Variants in DNAH11 observed in about 807,000 individuals in gnomAD.
DNAH11 encodes the protein dynein axonemal heavy chain 11.
A neutral mutation model predicts 526.0 loss-of-function variants in DNAH11; 442 were observed. The observed-to-expected ratio is 0.84, with a 90% CI of 0.78 to 0.91. DNAH11 has a LOEUF of 0.91. Among genes scored for constraint, DNAH11 ranks in the 40% least tolerant of loss-of-function variants. The pLI is 0.00. For missense variants in DNAH11, 6,989 were observed against 5,448.7 expected (o/e 1.28, Z -8.90); for synonymous variants, 2,461 against 1,935.9 (o/e 1.27, Z -7.12).
At chr7:21,805,078 C>A (rs928311669) in intron 62 of DNAH11, among the ~76,000 whole-genome samples, 4 of 152,142 alleles carry the variant, frequency 2.6e-5, no homozygotes, top group Non-Finnish European at 5.9e-5. Flanking sequence ...CTTTGTCAGG[C>A]CCTGCTGAAA....
At chr7:21,705,309 A>T (rs977325320) in intron 38 of DNAH11, 151 bp from the exon 39 acceptor site, 2 of 688,796 alleles carry the variant, frequency 2.9e-6, no homozygotes, top group South Asian at 3.9e-5. Context: ...TATACTTTTC[A>T]CTTATGGTCT....
chr7:21,648,982 A>G (rs1430636015), intron 28 of DNAH11, among the ~76,000 whole-genome samples: 8 of 152,192 alleles, frequency 5.3e-5, no homozygotes, highest in African/African-American at 1.4e-4. Context: ...TTTACTTAAA[A>G]TACTCTGCCT....
At chr7:21,634,979 A>C (rs1186738272) in intron 25 of DNAH11, among the ~76,000 whole-genome samples, 2 of 152,170 alleles carry the variant, frequency 1.3e-5, no homozygotes, top group Non-Finnish European at 2.9e-5. Context: ...GAGAAACAAA[A>C]ACCACATTAA....
intron 36 of DNAH11, among the ~76,000 whole-genome samples, chr7:21,700,192 A>G (rs1783999638): frequency 1.3e-5 from 2 of 152,206 alleles, no homozygotes. Flanking sequence ...TCTAGGACAC[A>G]CCTGTAGCCA....
chr7:21,884,497 C>A, intron 76 of DNAH11, 87 bp downstream of exon 76: 6 of 1,349,574 alleles, frequency 4.4e-6, no homozygotes, highest in South Asian at 1.6e-5. Context: ...ATACTATGGG[C>A]AATTCTTAAT....
At position 21,687,168 on chromosome 7, in the gene DNAH11, C is replaced by T. The variant is rs200388712; in HGVS notation, c.5691C>T (p.Thr1897=). The change falls in exon 33 of 82, where the codon ACC becomes ACT. Residue 1897 remains threonine (T), a synonymous_variant. Coordinates refer to ENST00000409508, the MANE Select transcript of DNAH11 (RefSeq NM_001277115.2). ...GGGCTCCTGCTGGCCCAGCTGGTAC[C>T]GGGAAAACAGAGACCACCAAAGACC... ...MSGAPAGPAG[T]GKTETTKDLG... 312 of 1,612,994 alleles carry T rather than the reference C, an allele frequency of 1.9e-4. 1 individual carries two copies. In the African/African-American group the frequency reaches 2.8e-3, roughly 14 times the overall value.
chr7:21,588,545 A>G lies in DNAH11; in HGVS notation c.1882A>G (p.Met628Val). 6.2e-7 allele frequency: 1 copy of G among 1,613,692 alleles called. No individual in the cohort carries two copies. The highest frequency in any genetic ancestry group is 8.5e-7 in the Non-Finnish European group (1 of 1,179,598). The change falls in exon 11 of 82, where the codon ATG becomes GTG. Residue 628 changes from methionine to valine, a missense_variant. By Grantham distance (21) the Met-to-Val change is conservative. Transcript: ENST00000409508. ...ECGHVVLNKNMPFTSGNMKWA... is the reference protein window; with the variant it reads ...ECGHVVLNKNVPFTSGNMKWA... ...TGGTCATGTAGTTCTTAACAAGAAC[A>G]TGCCATTTACCTCAGGAAATATGAA...
intron 67 of DNAH11, among the ~76,000 whole-genome samples, chr7:21,853,869 G>C (rs1010816702): frequency 3.3e-5 from 5 of 152,216 alleles, no homozygotes; most frequent in African/African-American, 1.2e-4. Flanking sequence ...GTAAGCATAA[G>C]TTACTGGGTA....
intron 21 of DNAH11, 55 bp from the exon 22 acceptor site, chr7:21,616,154 G>T: frequency 7.4e-7 from 1 of 1,345,588 alleles, no homozygotes; most frequent in Non-Finnish European, 1.1e-6. Flanking sequence ...TTTTGCTGCA[G>T]AGACTTGCTT....
In DNAH11 at chr7:21,884,610, C is replaced by CA. The variant is rs1784054626; in HGVS notation, c.12507+200_12507+201insA. On this transcript the variant is annotated intron_variant, in intron 76 of 81. Transcript: ENST00000409508. ...CAGAATCTGCATTTTCACAAGTCTT[C>CA]CAGGTGATCTCTGTGTGTGCTAGAG... Among the ~76,000 whole-genome samples the CA allele has an allele frequency of 2.6e-5, 4 of 152,166 alleles. No homozygotes were observed. The South Asian group carries it at 8.3e-4, about 32-fold the overall frequency.
Position 21,765,345 on chromosome 7 carries a change from T to C in DNAH11, c.8941-83T>C, listed in dbSNP as rs142652118. 56 of 1,591,580 alleles carry C rather than the reference T, an allele frequency of 3.5e-5. No homozygotes were observed. The African/African-American group carries it at 4.6e-4, about 13-fold the overall frequency. The stretch of plus-strand genomic sequence containing the variant: ...TAATGTCACAGTTGGCTGCACTCCT[T>C]TCTCTCATTGTCTAAGATTGCAATG... On this transcript the variant is annotated intron_variant, in intron 54 of 81. Transcript: ENST00000409508.
chr7:21,612,411 C>T (rs568168721), intron 20 of DNAH11, among the ~76,000 whole-genome samples: 17 of 151,862 alleles, frequency 1.1e-4, no homozygotes, highest in East Asian at 1.9e-4. Context: ...AAAAATTAGC[C>T]GGGCGTGGTG....
chr7:21,738,865 T>C lies in DNAH11; in HGVS notation c.7810T>C (p.Trp2604Arg), dbSNP rs1250786544. The C allele has an allele frequency of 1.3e-6, 2 of 1,590,844 alleles. No homozygotes were observed. Among genetic ancestry groups the C allele is most frequent in the East Asian group, 4.5e-5 (2 of 44,510 alleles). Residue 2604 changes from tryptophan (W) to arginine (R), a missense_variant and splice_region_variant, in exon 47 of 82, where the codon TGG (tryptophan) becomes CGG (arginine). By Grantham distance (101) the Trp-to-Arg change is moderately radical. Coordinates refer to ENST00000409508, the MANE Select transcript of DNAH11 (RefSeq NM_001277115.2). ...LIRQHIDYGH[W>R]YDRQKVMLKE... ...CCGGCAGCATATTGATTATGGACATTGGTAAGCAAGTCTCTGTAGTTTACT... is the reference window on the plus strand; with the variant it reads ...CCGGCAGCATATTGATTATGGACATCGGTAAGCAAGTCTCTGTAGTTTACT...
chr7:21,570,312 T>C lies in DNAH11; in HGVS notation c.1425+13T>C. On this transcript the variant is annotated intron_variant, in intron 7 of 81. Transcript: ENST00000409508. ...AATAAAAATAGAGGTATTCATTTTT[T>C]GATTTTATTTATTCATGTTGAAGGT... 1.3e-6 allele frequency: 2 copies of C among 1,579,224 alleles called. No homozygotes were observed. The highest frequency in any genetic ancestry group is 1.7e-6 in the Non-Finnish European group (2 of 1,164,676).
At chr7:21,683,609 A>T (rs913383205) in intron 31 of DNAH11, among the ~76,000 whole-genome samples, 175 bp from the exon 32 acceptor site, 1 of 152,180 alleles carries the variant, frequency 6.6e-6, no homozygotes, top group East Asian at 1.9e-4. Flanking sequence ...TATTACACGC[A>T]TATTTCTTAT....
chr7:21,745,401 G>T (rs1166010283), intron 51 of DNAH11, among the ~76,000 whole-genome samples: 1 of 152,214 alleles, frequency 6.6e-6, no homozygotes, highest in African/African-American at 2.4e-5. Flanking sequence ...TGCCAGATAG[G>T]AACATTGCCA....
intron 28 of DNAH11, among the ~76,000 whole-genome samples, chr7:21,654,929 C>T (rs1462218905): frequency 3.3e-5 from 5 of 152,174 alleles, no homozygotes; most frequent in Admixed American, 3.3e-4. Context: ...CCGGTCTGTG[C>T]TAACATAACA....
chr7:21,656,070 C>G lies in DNAH11; in HGVS notation c.5094+89C>G, dbSNP rs1158707983. On this transcript the variant is annotated intron_variant, in intron 29 of 81. Transcript: ENST00000409508. The stretch of plus-strand genomic sequence containing the variant: ...GAGTTCAACAAGCAAAAAATTCAAC[C>G]CAGGTCAAATCAGGCTCTGCTTAGT... 2.8e-6 allele frequency: 4 copies of G among 1,410,712 alleles called. No homozygotes were observed. In the African/African-American group the frequency reaches 4.3e-5, roughly 15 times the overall value. The allele number at this position is 1,410,712 out of a possible 1,614,324, so 87.4% of individuals were successfully genotyped here. A position where few individuals can be genotyped will look rare whatever the true frequency, so the allele number is the denominator to read the frequency against.
intron 2 of DNAH11, among the ~76,000 whole-genome samples, chr7:21,550,899 G>A (rs1302412654): frequency 6.6e-6 from 1 of 152,146 alleles, no homozygotes; most frequent in Non-Finnish European, 1.5e-5. Flanking sequence ...AAATCTGCTT[G>A]AATGCTTTCA....
Sources: allele counts gnomAD v4.1 joint callset (sites outside exome capture counted in the v4.1 genomes callset), GRCh38; gene constraint gnomAD v4.1.1; transcripts MANE v1.5; gene names NCBI Gene and HGNC (gene_info 2026-07-23, HGNC 2026-07-21).